The following ST6GAL1 variants were observed in gnomAD, a reference collection of about 807,000 sequenced individuals.
ST6GAL1 encodes beta-galactoside alpha-2,6-sialyltransferase 1.
A neutral mutation model predicts 38.0 loss-of-function variants in ST6GAL1; 20 were observed. The observed-to-expected ratio is 0.53, with a 90% CI of 0.37 to 0.77. The LOEUF is 0.77. ST6GAL1 is among the 30% of genes least tolerant of loss of function. The probability of loss-of-function intolerance (pLI) is 0.00; values close to 1 mark genes in which losing one functional copy is unlikely to be tolerated. For synonymous variants in ST6GAL1, 196 were observed against 188.2 expected (o/e 1.04, Z -0.34); for missense variants, 432 against 496.4 (o/e 0.87, Z 1.23).
At chr3:186,984,744 C>T (rs13315159) in intron 2 of ST6GAL1, among the ~76,000 whole-genome samples, 8,753 of 66,562 alleles carry the variant, frequency 0.13, 541 homozygotes, top group East Asian at 0.27. Flanking sequence ...CCTTCCTTCC[C>T]TCCCTCCCTC....
At chr3:186,990,043 G>A (rs1017688740) in intron 2 of ST6GAL1, among the ~76,000 whole-genome samples, 2 of 152,140 alleles carry the variant, frequency 1.3e-5, no homozygotes, top group Admixed American at 1.3e-4. Context: ...TGGGCAAGTG[G>A]CTTAGTTCTT....
chr3:186,940,162 A>G (rs1216097707), intron 1 of ST6GAL1, among the ~76,000 whole-genome samples: 2 of 151,790 alleles, frequency 1.3e-5, no homozygotes, highest in Non-Finnish European at 2.9e-5. Flanking sequence ...AATGCATGCC[A>G]CCCTGGGTAT....
At chr3:187,049,454 GC>G (rs1367077433) in intron 4 of ST6GAL1, among the ~76,000 whole-genome samples, 1 of 152,188 alleles carries the variant, frequency 6.6e-6, no homozygotes, top group Non-Finnish European at 1.5e-5. Context: ...AAGGGAAGGG[GC>G]AGAACCAGGT....
At chr3:186,991,383 A>AG (rs1373201849) in intron 2 of ST6GAL1, among the ~76,000 whole-genome samples, 1 of 152,070 alleles carries the variant, frequency 6.6e-6, no homozygotes, top group Non-Finnish European at 1.5e-5. Context: ...AGAAACTGTG[A>AG]GGGGCGCTGT....
At chr3:187,064,006 A>G (rs1719010377) in intron 5 of ST6GAL1, among the ~76,000 whole-genome samples, 1 of 152,128 alleles carries the variant, frequency 6.6e-6, no homozygotes, top group African/African-American at 2.4e-5. Context: ...GATGGGCACT[A>G]CTGAAACCTG....
chr3:187,024,818 A>T (rs1232055590), intron 2 of ST6GAL1: 1 of 152,190 alleles, frequency 6.6e-6, no homozygotes, highest in South Asian at 2.1e-4. Flanking sequence ...CAGTCATCCA[A>T]ACAAAATGTC....
At chr3:187,039,737 T>C (rs1050524631) in intron 3 of ST6GAL1, among the ~76,000 whole-genome samples, 1 of 152,240 alleles carries the variant, frequency 6.6e-6, no homozygotes, top group African/African-American at 2.4e-5. Context: ...CTCTGCCTTC[T>C]TCAGACAATT....
chr3:187,057,053 G>T (rs2108591451), intron 5 of ST6GAL1, among the ~76,000 whole-genome samples: 1 of 151,972 alleles, frequency 6.6e-6, no homozygotes, highest in South Asian at 2.1e-4. Context: ...TCATTGATTT[G>T]ATCTTCAATC....
chr3:187,018,217 C>T (rs1379708808), intron 2 of ST6GAL1, among the ~76,000 whole-genome samples: 1 of 152,000 alleles, frequency 6.6e-6, no homozygotes, highest in East Asian at 1.9e-4. Flanking sequence ...ACACATGAAA[C>T]CAGATTCTTC....
At chr3:186,987,315 G>A (rs560348795) in intron 2 of ST6GAL1, among the ~76,000 whole-genome samples, 4 of 152,206 alleles carry the variant, frequency 2.6e-5, no homozygotes, top group South Asian at 2.1e-4. Context: ...CTGGAACTAC[G>A]CTAGGCACAT....
intron 1 of ST6GAL1, among the ~76,000 whole-genome samples, chr3:186,957,222 C>G (rs1449323685): frequency 6.6e-6 from 1 of 152,210 alleles, no homozygotes; most frequent in Non-Finnish European, 1.5e-5. Context: ...GTGAGTGGAT[C>G]ATTTGAACCC....
chr3:186,965,131 T>G (rs1331356146), intron 2 of ST6GAL1, among the ~76,000 whole-genome samples: 3 of 152,214 alleles, frequency 2.0e-5, no homozygotes, highest in African/African-American at 7.2e-5. Context: ...TTCGGATTAC[T>G]GACACCCTTT....
At chr3:187,015,913 G>T (rs1222073468) in intron 2 of ST6GAL1, among the ~76,000 whole-genome samples, 1 of 152,216 alleles carries the variant, frequency 6.6e-6, no homozygotes, top group East Asian at 1.9e-4. Context: ...CCTTGGCCCT[G>T]CCATTTACTA....
chr3:187,066,432 TCCCTCACAG>T (rs1222824544), intron 5 of ST6GAL1, among the ~76,000 whole-genome samples: 1 of 151,958 alleles, frequency 6.6e-6, no homozygotes, highest in Non-Finnish European at 1.5e-5. Context: ...CCTAATTACC[TCCCTCACAG>T]CCCTATTTCC....
intron 2 of ST6GAL1, among the ~76,000 whole-genome samples, chr3:187,023,188 T>C (rs532032831): frequency 1.6e-4 from 24 of 152,342 alleles, no homozygotes; most frequent in African/African-American, 5.8e-4. Flanking sequence ...TTCCAACCCT[T>C]GCTCAAATGT....
intron 4 of ST6GAL1, among the ~76,000 whole-genome samples, chr3:187,044,572 G>A (rs1350027795): frequency 2.0e-5 from 3 of 152,146 alleles, no homozygotes; most frequent in Admixed American, 6.5e-5. Flanking sequence ...AAATGTGATT[G>A]GTTTTTGTTC....
intron 2 of ST6GAL1, among the ~76,000 whole-genome samples, chr3:187,028,013 G>GA (rs1409762362): frequency 6.6e-6 from 1 of 152,194 alleles, no homozygotes; most frequent in African/African-American, 2.4e-5. Context: ...TTAGCAATGT[G>GA]GAGATCGTGG....
At chr3:186,966,812 T>C (rs1715145064) in intron 2 of ST6GAL1, among the ~76,000 whole-genome samples, 1 of 152,168 alleles carries the variant, frequency 6.6e-6, no homozygotes, top group Non-Finnish European at 1.5e-5. Context: ...GGCGTGTCAG[T>C]CCCTGGACTC....
At chr3:187,022,190 GGTAGATAGTGTTGGAACT>G in intron 2 of ST6GAL1, among the ~76,000 whole-genome samples, 1 of 152,262 alleles carries the variant, frequency 6.6e-6, no homozygotes, top group East Asian at 1.9e-4. Flanking sequence ...ACTATTTCCA[GGTAGATAGTGTTGGAACT>G]GAATTAGAGG....
Sources: allele counts gnomAD v4.1 joint callset (sites outside exome capture counted in the v4.1 genomes callset), GRCh38; gene constraint gnomAD v4.1.1; transcripts MANE v1.5; gene names NCBI Gene and HGNC (gene_info 2026-07-23, HGNC 2026-07-21).